OLFML2A: variants seen among roughly 807,000 people sequenced by gnomAD.
The protein encoded by OLFML2A is olfactomedin-like protein 2A.
In OLFML2A, 47 loss-of-function variants were observed where a neutral mutation model predicts 60.9. That is an observed-to-expected ratio of 0.77 (90% confidence interval 0.61 to 0.98). The LOEUF is 0.98. Among genes scored for constraint, OLFML2A ranks in the 50% least tolerant of loss-of-function variants. The probability of loss-of-function intolerance (pLI) is 0.00; values close to 1 mark genes in which losing one functional copy is unlikely to be tolerated. For missense variants in OLFML2A, 922 were observed against 879.8 expected (o/e 1.05, Z -0.61); for synonymous variants, 372 against 375.0 (o/e 0.99, Z 0.09).
rs1348705538 is a variant in OLFML2A, at chr9:124,785,603, T to C, written c.91-1372T>C. ...GTTTAGTAGAGACGGGGTTTCACCA[T>C]GTTAGCCAAGATGGTCTCGATCTCC... On this transcript the variant is annotated intron_variant, in intron 1 of 7. Transcript: ENST00000373580. Among the ~76,000 whole-genome samples the C allele has an allele frequency of 3.3e-5, 5 of 151,784 alleles. No homozygotes were observed. In the East Asian group the frequency reaches 9.9e-4, roughly 30 times the overall value.
chr9:124,810,253 C>G lies in OLFML2A; in HGVS notation c.1800C>G (p.Tyr600Ter). Reference sequence around the variant, plus strand: ...ACCAGCAGGAAGGCCAGGTCGCCTACGCTTTCGACACGCACACGGGCACCG... The same window carrying G: ...ACCAGCAGGAAGGCCAGGTCGCCTAGGCTTTCGACACGCACACGGGCACCG... ...TYNQQEGQVA[Y>*]AFDTHTGTDA... The change falls in exon 8 of 8, where the codon TAC becomes TAG. Residue 600 changes from tyrosine to a stop codon, truncating the protein, a stop_gained. Transcript: ENST00000373580. LOFTEE classifies it high-confidence loss of function. The G allele has an allele frequency of 6.2e-7, 1 of 1,612,642 alleles. No homozygotes were observed. The highest frequency in any genetic ancestry group is 8.5e-7 in the Non-Finnish European group (1 of 1,180,006).
rs1395595820 is a variant in OLFML2A, at chr9:124,777,240, G to T, written c.-31G>T. On this transcript the variant is annotated 5_prime_UTR_variant, in exon 1 of 8. Transcript: ENST00000373580. This position sits in a 1 kb window ranked among gnomAD's most constrained non-coding sequence, Gnocchi z 6.2. Reference sequence around the variant, plus strand: ...CCCGCGCTTCCCAGCGTCCGTGCCCGGCCGCCTGTGCCTACCGTGCCCGTG... The same window carrying T: ...CCCGCGCTTCCCAGCGTCCGTGCCCTGCCGCCTGTGCCTACCGTGCCCGTG... 1.1e-6 allele frequency: 1 copy of T among 930,220 alleles called. No individual in the cohort carries two copies. Among genetic ancestry groups the T allele is most frequent in the Non-Finnish European group, 1.4e-6 (1 of 716,750 alleles). 57.6% of individuals were successfully genotyped at this position (930,220 alleles called of 1,614,324 possible).
chr9:124,794,824 G>A, intron 2 of OLFML2A, among the ~76,000 whole-genome samples, 200 bp from the exon 3 acceptor site: 1 of 151,982 alleles, frequency 6.6e-6, no homozygotes, highest in Non-Finnish European at 1.5e-5. Context: ...GTTTCACCAT[G>A]TTGGCCAGAC....
At chr9:124,800,891 G>A (rs1841760666) in intron 4 of OLFML2A, 1 of 1,519,260 alleles carries the variant, frequency 6.6e-7, no homozygotes, top group Non-Finnish European at 8.8e-7. Flanking sequence ...TAGAGGTTGG[G>A]TGACCAACCC....
At chr9:124,797,703 A>G (rs1315921102) in intron 3 of OLFML2A, among the ~76,000 whole-genome samples, 2 of 152,208 alleles carry the variant, frequency 1.3e-5, no homozygotes, top group African/African-American at 4.8e-5. Flanking sequence ...AGAATCCCAG[A>G]TCTACTAGAG....
intron 1 of OLFML2A, among the ~76,000 whole-genome samples, chr9:124,780,632 A>G (rs1426288703): frequency 1.3e-5 from 2 of 152,188 alleles, no homozygotes; most frequent in African/African-American, 4.8e-5. Context: ...TCGACACATC[A>G]AGACTGTGAG....
At position 124,794,900 on chromosome 9, in the gene OLFML2A, G is replaced by A. The variant is rs1588883564; in HGVS notation, c.355-124G>A. ...GCCTCCCAAAGTGCTGGGATTACAG[G>A]CGTGAGCCACAGCGCCTGGCCCAGG... On this transcript the variant is annotated intron_variant, in intron 2 of 7. Coordinates refer to ENST00000373580, the MANE Select transcript of OLFML2A (RefSeq NM_182487.4). 6 of 596,236 alleles carry A rather than the reference G, an allele frequency of 1.0e-5. No homozygotes were observed. In the East Asian group the frequency reaches 1.5e-4, roughly 15 times the overall value. The allele number at this position is 596,236 out of a possible 1,614,324, so 36.9% of individuals were successfully genotyped here.
intron 1 of OLFML2A, among the ~76,000 whole-genome samples, chr9:124,785,994 A>G (rs938064956): frequency 1.3e-5 from 2 of 152,050 alleles, no homozygotes; most frequent in Non-Finnish European, 2.9e-5. Context: ...TGCACCTACA[A>G]TCTCAGCTAC....
In OLFML2A at chr9:124,813,670, C is replaced by T. The variant is rs1842063129; in HGVS notation, c.*3258C>T. On this transcript the variant is annotated 3_prime_UTR_variant, in exon 8 of 8. Coordinates refer to ENST00000373580, the MANE Select transcript of OLFML2A (RefSeq NM_182487.4). The stretch of plus-strand genomic sequence containing the variant: ...CTCATAAAAAGCCTGAATGCCAAGC[C>T]AAGGAGTGGATGCCTCCAGTCATAT... The T allele has an allele frequency of 6.6e-6, 1 of 152,036 alleles. No homozygotes were observed. The highest frequency in any genetic ancestry group is 2.4e-5 in the African/African-American group (1 of 41,382). 9.4% of individuals were successfully genotyped at this position (152,036 alleles called of 1,614,324 possible). A position where few individuals can be genotyped will look rare whatever the true frequency, so the allele number is the denominator to read the frequency against.
chr9:124,808,313 A>C (rs748383665), intron 7 of OLFML2A, among the ~76,000 whole-genome samples: 1 of 152,194 alleles, frequency 6.6e-6, no homozygotes, highest in African/African-American at 2.4e-5. Flanking sequence ...CCCCCCGTGT[A>C]TCAGCTCTTG....
chr9:124,814,247 G>T lies in OLFML2A; in HGVS notation c.*3835G>T, dbSNP rs186310486. 4 of 152,242 alleles carry T rather than the reference G, an allele frequency of 2.6e-5. No homozygotes were observed. The highest frequency in any genetic ancestry group is 9.7e-5 in the African/African-American group (4 of 41,440). 9.4% of individuals were successfully genotyped at this position (152,242 alleles called of 1,614,324 possible). On this transcript the variant is annotated 3_prime_UTR_variant, in exon 8 of 8. Transcript: ENST00000373580. ...TAACTCTGGGATAGCATTGGAAGCC[G>T]CTGTCATGACAGGACATGGCACTGG...
At chr9:124,788,280 C>T (rs754360014) in intron 2 of OLFML2A, among the ~76,000 whole-genome samples, 1 of 146,574 alleles carries the variant, frequency 6.8e-6, no homozygotes, top group African/African-American at 2.5e-5. Flanking sequence ...CCAGCCTGAA[C>T]GACAGAGCGA....
In OLFML2A at chr9:124,810,479, A is replaced by G. The variant is rs2131285680; in HGVS notation, c.*67A>G. 2 of 1,456,596 alleles carry G rather than the reference A, an allele frequency of 1.4e-6. No homozygotes were observed. Among genetic ancestry groups the G allele is most frequent in the Non-Finnish European group, 9.2e-7 (1 of 1,090,594 alleles). The allele number at this position is 1,456,596 out of a possible 1,614,324, so 90.2% of individuals were successfully genotyped here. ...GGGGCTTTGCACAGCAGCTCCTGCA[A>G]CTGACCCAGTCCGCAAATATTTATT... On this transcript the variant is annotated 3_prime_UTR_variant, in exon 8 of 8. Transcript: ENST00000373580.
In OLFML2A at chr9:124,777,290, C is replaced by G; in HGVS notation, c.20C>G (p.Pro7Arg). ...GGCGCCATGGCCGCTGCCGCCCTCC[C>G]GCCCCGGCCGCTGCTCCTTCTGCCG... MAAAALPPRPLLLLPLV... is the reference protein window; with the variant it reads MAAAALRPRPLLLLPLV... Residue 7 changes from proline to arginine, a missense_variant, in exon 1 of 8, where the codon CCG becomes CGG. By Grantham distance (103) the Pro-to-Arg change is moderately radical (BLOSUM62 -2). Transcript: ENST00000373580. This position sits in a 1 kb window ranked among gnomAD's most constrained non-coding sequence, Gnocchi z 6.2. 7.9e-7 allele frequency: 1 copy of G among 1,258,504 alleles called. No homozygotes were observed. Among genetic ancestry groups the G allele is most frequent in the Non-Finnish European group, 1.0e-6 (1 of 994,408 alleles). 78.0% of individuals were successfully genotyped at this position (1,258,504 alleles called of 1,614,324 possible). A position where few individuals can be genotyped will look rare whatever the true frequency, so the allele number is the denominator to read the frequency against.
chr9:124,784,943 GTTTT>G lies in OLFML2A; in HGVS notation c.91-2007_91-2004del, dbSNP rs750733365. 8.0e-3 allele frequency among the ~76,000 whole-genome samples: 556 copies of G among 69,450 alleles called. 3 individuals carry two copies. The East Asian group carries it at 0.09, about 11-fold the overall frequency. The allele number at this position is 69,450 out of a possible 152,430, so 45.6% of individuals were successfully genotyped here. On this transcript the variant is annotated intron_variant, in intron 1 of 7. Coordinates refer to ENST00000373580, the MANE Select transcript of OLFML2A (RefSeq NM_182487.4). ...AATCAGTACTGCATTCCTTTTACTT[GTTTT>G]TTTTTTTTTTTTTTTTTTTTTTTTG...
rs1037320187 is a variant in OLFML2A, at chr9:124,811,636, A to G, written c.*1224A>G. ...AGAGGGTGGGAACGGGGAGGGAAGA[A>G]CTGAGGGTCTGCAGACTGGACTTTT... is the stretch of plus-strand genomic sequence containing the variant. On this transcript the variant is annotated 3_prime_UTR_variant, in exon 8 of 8. Transcript: ENST00000373580. The G allele has an allele frequency of 6.6e-6, 1 of 152,256 alleles. No homozygotes were observed. Among genetic ancestry groups the G allele is most frequent in the African/African-American group, 2.4e-5 (1 of 41,444 alleles). 9.4% of individuals were successfully genotyped at this position (152,256 alleles called of 1,614,324 possible). A position where few individuals can be genotyped will look rare whatever the true frequency, so the allele number is the denominator to read the frequency against.
At chr9:124,807,319 A>G (rs1184617823) in intron 6 of OLFML2A, among the ~76,000 whole-genome samples, 1 of 117,672 alleles carries the variant, frequency 8.5e-6, no homozygotes. Flanking sequence ...GAAGAGTTTC[A>G]CTCTTGTCGC....
At position 124,804,336 on chromosome 9, in the gene OLFML2A, A is replaced by G; in HGVS notation, c.1162A>G (p.Ser388Gly). The G allele has an allele frequency of 2.0e-6, 3 of 1,512,648 alleles. No homozygotes were observed. Among genetic ancestry groups the G allele is most frequent in the Non-Finnish European group, 2.7e-6 (3 of 1,131,804 alleles). The allele number at this position is 1,512,648 out of a possible 1,614,324, so 93.7% of individuals were successfully genotyped here. ...GCCACCTTCAGGTCCAGAAGTCTCCAGCCAAGGTGAGTGAGCCTCACAGGA... is the reference window on the plus strand; with the variant it reads ...GCCACCTTCAGGTCCAGAAGTCTCCGGCCAAGGTGAGTGAGCCTCACAGGA... ...TEPPSGPEVS[S>G]QGREASCEGT... Residue 388 changes from serine (S) to glycine (G), a missense_variant, in exon 6 of 8, where the codon AGC (serine) becomes GGC (glycine). Physicochemically the swap from Ser to Gly is moderately conservative, Grantham distance 56 (BLOSUM62 0). Transcript: ENST00000373580.
chr9:124,803,584 T>C (rs1051351672), intron 5 of OLFML2A, among the ~76,000 whole-genome samples: 1 of 152,232 alleles, frequency 6.6e-6, no homozygotes, highest in African/African-American at 2.4e-5. Context: ...CTTTCGTTCA[T>C]GCCGTCTCAT....
Sources: gnomAD v4.1 joint callset for allele counts (sites outside exome capture counted in the v4.1 genomes callset) on GRCh38, gnomAD v4.1.1 for gene constraint, Gnocchi (gnomAD v3.1) non-coding constraint, MANE v1.5 for transcripts, NCBI Gene and HGNC (gene_info 2026-07-23, HGNC 2026-07-21) for gene names.